The following GPC6 variants were observed in gnomAD, a reference collection of about 807,000 sequenced individuals.
GPC6 encodes the protein glypican 6, also known as glypican-6.
Under a neutral mutation model 55.2 loss-of-function variants are expected in GPC6, and 14 were observed. That is an observed-to-expected ratio of 0.25 (90% CI 0.17 to 0.40). GPC6 has a LOEUF of 0.40. Among genes scored for constraint, GPC6 ranks in the 10% least tolerant of loss-of-function variants. The pLI, the probability that GPC6 is intolerant of heterozygous loss-of-function variation, is 1.00. For synonymous variants in GPC6, 278 were observed against 259.6 expected (o/e 1.07, Z -0.68); for missense variants, 641 against 708.5 (o/e 0.90, Z 1.08).
In GPC6 at chr13:94,383,792, T is replaced by C. The variant is rs145152740; in HGVS notation, c.1289+1242T>C. The stretch of plus-strand genomic sequence containing the variant: ...TAATTTATAAAGGAAAGAGGCTTGA[T>C]TGACCCACAGTTCCCTATAGCTGGG... On this transcript the variant is annotated intron_variant, in intron 7 of 8. Transcript: ENST00000377047. Among the ~76,000 whole-genome samples the C allele has an allele frequency of 5.0e-3, 757 of 152,224 alleles. 9 individuals are homozygous for C. Among genetic ancestry groups the C allele is most frequent in the African/African-American group, 0.017 (719 of 41,554 alleles).
At chr13:93,730,267 C>T (rs1352902350) in intron 2 of GPC6, among the ~76,000 whole-genome samples, 1 of 152,148 alleles carries the variant, frequency 6.6e-6, no homozygotes, top group African/African-American at 2.4e-5. Flanking sequence ...GTGCAGGAGA[C>T]AGTGCTCTTA....
At chr13:94,315,950 T>TTTTGCAATTTG (rs59322788) in intron 6 of GPC6, among the ~76,000 whole-genome samples, 59,011 of 151,792 alleles carry the variant, frequency 0.39, 11,728 homozygotes, top group African/African-American at 0.45. Context: ...TATGAGATTT[T>TTTTGCAATTTG]TTTTTAGCTC....
At chr13:94,044,680 T>C (rs888749797) in intron 4 of GPC6, among the ~76,000 whole-genome samples, 22 of 151,882 alleles carry the variant, frequency 1.4e-4, no homozygotes, top group African/African-American at 4.8e-4. Flanking sequence ...AGTACATATG[T>C]GGTTTTGTTA....
chr13:93,307,135 C>T (rs993314316), intron 1 of GPC6, among the ~76,000 whole-genome samples: 1 of 151,776 alleles, frequency 6.6e-6, no homozygotes, highest in South Asian at 2.1e-4. Flanking sequence ...TATATTTAAT[C>T]GACTATTCAT....
intron 4 of GPC6, among the ~76,000 whole-genome samples, chr13:94,109,206 C>A (rs906831127): frequency 6.6e-6 from 1 of 152,180 alleles, no homozygotes; most frequent in African/African-American, 2.4e-5. Context: ...TTATGACTGT[C>A]ATGAATGAGT....
chr13:94,364,732 C>T (rs971305023), intron 6 of GPC6, among the ~76,000 whole-genome samples: 8 of 151,966 alleles, frequency 5.3e-5, no homozygotes, highest in Non-Finnish European at 1.0e-4. Context: ...ATTGTAGATA[C>T]GAATCAAGTG....
At chr13:93,255,849 A>G (rs1215955355) in intron 1 of GPC6, among the ~76,000 whole-genome samples, 1 of 152,162 alleles carries the variant, frequency 6.6e-6, no homozygotes. Context: ...GATCTAGTAC[A>G]TAAGCTGGGC....
intron 1 of GPC6, among the ~76,000 whole-genome samples, chr13:93,290,817 C>T (rs965016769): frequency 1.3e-5 from 2 of 151,944 alleles, no homozygotes; most frequent in African/African-American, 4.8e-5. Context: ...GTAACTTGGC[C>T]ATGAAGAATC....
intron 4 of GPC6, among the ~76,000 whole-genome samples, chr13:94,085,849 A>G (rs1406334543): frequency 6.6e-6 from 1 of 152,158 alleles, no homozygotes; most frequent in Admixed American, 6.5e-5. Context: ...ATATAATGGA[A>G]ATATTTATGT....
At chr13:94,055,544 A>G (rs1490149331) in intron 4 of GPC6, among the ~76,000 whole-genome samples, 2 of 152,238 alleles carry the variant, frequency 1.3e-5, no homozygotes, top group Non-Finnish European at 2.9e-5. Context: ...ACTTGAAAAG[A>G]ATAGTTTATA....
At chr13:93,267,876 G>A (rs1594062213) in intron 1 of GPC6, among the ~76,000 whole-genome samples, 1 of 152,060 alleles carries the variant, frequency 6.6e-6, no homozygotes, top group African/African-American at 2.4e-5. Flanking sequence ...GCTTAGATGG[G>A]CAGACATGTA....
At chr13:94,284,846 G>C (rs1006912454) in intron 4 of GPC6, among the ~76,000 whole-genome samples, 3 of 148,424 alleles carry the variant, frequency 2.0e-5, no homozygotes, top group Non-Finnish European at 3.0e-5. Flanking sequence ...ATAGTCATTA[G>C]TGTTTTTATT....
At chr13:94,199,040 G>A (rs1313177720) in intron 4 of GPC6, among the ~76,000 whole-genome samples, 1 of 152,144 alleles carries the variant, frequency 6.6e-6, no homozygotes, top group African/African-American at 2.4e-5. Flanking sequence ...AGAGTTTAGG[G>A]CAATGGCATG....
chr13:94,291,413 G>A (rs1874970292), intron 5 of GPC6, among the ~76,000 whole-genome samples: 1 of 152,194 alleles, frequency 6.6e-6, no homozygotes, highest in South Asian at 2.1e-4. Flanking sequence ...GGAGCCTAAT[G>A]TGGAAGACGG....
chr13:93,229,819 G>A (rs906980288), intron 1 of GPC6, among the ~76,000 whole-genome samples: 21 of 151,912 alleles, frequency 1.4e-4, no homozygotes, highest in African/African-American at 4.8e-4. Context: ...CAAGATGCAG[G>A]TCACCACAGG....
At chr13:94,075,335 C>T (rs1008697385) in intron 4 of GPC6, among the ~76,000 whole-genome samples, 3 of 152,092 alleles carry the variant, frequency 2.0e-5, no homozygotes, top group African/African-American at 7.2e-5. Context: ...TGAATACCCC[C>T]ATGATACCAT....
intron 3 of GPC6, among the ~76,000 whole-genome samples, chr13:93,855,216 A>G (rs1027863943): frequency 5.3e-5 from 8 of 151,506 alleles, no homozygotes; most frequent in Non-Finnish European, 1.2e-4. Flanking sequence ...GCAATAACTG[A>G]TATTTGTATT....
chr13:93,813,409 C>T (rs1201378974), intron 2 of GPC6, among the ~76,000 whole-genome samples: 1 of 152,044 alleles, frequency 6.6e-6, no homozygotes, highest in Non-Finnish European at 1.5e-5. Context: ...GAGAACTTTG[C>T]ATAACTTCTG....
intron 4 of GPC6, among the ~76,000 whole-genome samples, chr13:94,076,566 A>T (rs1441464228): frequency 2.0e-5 from 3 of 151,886 alleles, no homozygotes; most frequent in African/African-American, 7.2e-5. Flanking sequence ...TGCCAATGTC[A>T]AGAAGCTTTT....
Sources: allele counts gnomAD v4.1 joint callset (sites outside exome capture counted in the v4.1 genomes callset), GRCh38; gene constraint gnomAD v4.1.1; transcripts MANE v1.5; gene names NCBI Gene and HGNC (gene_info 2026-07-23, HGNC 2026-07-21).